The following ADARB2 variants were observed in gnomAD, a reference collection of about 807,000 sequenced individuals.
ADARB2 encodes the protein inactive double-stranded RNA-specific editase B2.
In ADARB2, 25 loss-of-function variants were observed where a neutral mutation model predicts 62.2. The ratio of observed to expected loss-of-function variants is 0.40; its 90% CI spans 0.29 to 0.56. The LOEUF (loss-of-function observed/expected upper bound fraction) is 0.56, where lower values mean the gene tolerates loss of function less well. ADARB2 is among the 20% of genes least tolerant of loss of function. The pLI, the probability that ADARB2 is intolerant of heterozygous loss-of-function variation, is 0.43. For synonymous variants in ADARB2, 572 were observed against 500.8 expected, an observed-to-expected ratio of 1.14 and a Z score of -1.90; for missense variants, 1,071 against 1,077.4, an observed-to-expected ratio of 0.99 and a Z score of 0.08.
intron 4 of ADARB2, among the ~76,000 whole-genome samples, chr10:1,243,411 G>A (rs145857993): frequency 5.3e-5 from 8 of 152,098 alleles, no homozygotes; most frequent in Middle Eastern, 3.4e-3. Context: ...AAATAAAATC[G>A]ACTAATTAAT....
chr10:1,430,870 C>T (rs1329384611), intron 1 of ADARB2, among the ~76,000 whole-genome samples: 3 of 152,140 alleles, frequency 2.0e-5, no homozygotes, highest in Non-Finnish European at 4.4e-5. Context: ...CATAACTATC[C>T]TAAATTTAGT....
At chr10:1,187,630 C>T (rs1836778670) in intron 8 of ADARB2, among the ~76,000 whole-genome samples, 1 of 152,258 alleles carries the variant, frequency 6.6e-6, no homozygotes. Context: ...CCTTGGCCAG[C>T]TGCCGTCTGA....
At chr10:1,314,577 G>A (rs1377828331) in intron 3 of ADARB2, among the ~76,000 whole-genome samples, 2 of 152,200 alleles carry the variant, frequency 1.3e-5, no homozygotes, top group East Asian at 1.9e-4. Flanking sequence ...CTGGCCTTCC[G>A]GCCGCTTCTG....
intron 3 of ADARB2, among the ~76,000 whole-genome samples, chr10:1,305,737 G>C (rs1431031494): frequency 6.6e-6 from 1 of 152,054 alleles, no homozygotes; most frequent in Non-Finnish European, 1.5e-5. Flanking sequence ...GGGATGCAAG[G>C]CTGGTTCAAC....
chr10:1,355,289 T>C (rs1330630249), intron 3 of ADARB2, among the ~76,000 whole-genome samples: 1 of 152,208 alleles, frequency 6.6e-6, no homozygotes, highest in Non-Finnish European at 1.5e-5. Context: ...CCTAAAGCCC[T>C]TGGGGGCTGG....
At chr10:1,651,056 G>A (rs763431872) in intron 1 of ADARB2, among the ~76,000 whole-genome samples, 2 of 152,196 alleles carry the variant, frequency 1.3e-5, no homozygotes, top group African/African-American at 2.4e-5. Context: ...CAGATGTTCC[G>A]CTCTCCCCTC....
chr10:1,703,001 C>T (rs1397671793), intron 1 of ADARB2, among the ~76,000 whole-genome samples: 3 of 152,150 alleles, frequency 2.0e-5, no homozygotes, highest in African/African-American at 4.8e-5. Context: ...AATGAATCTT[C>T]AGTAATTGTA....
At chr10:1,317,912 G>C (rs1461148520) in intron 3 of ADARB2, among the ~76,000 whole-genome samples, 7 of 152,136 alleles carry the variant, frequency 4.6e-5, no homozygotes, top group Admixed American at 3.9e-4. Flanking sequence ...CTTCCCTAAA[G>C]CCTGCCTACT....
At chr10:1,452,610 C>T (rs1036341194) in intron 1 of ADARB2, among the ~76,000 whole-genome samples, 2 of 25,000 alleles carry the variant, frequency 8.0e-5, no homozygotes, top group Non-Finnish European at 1.5e-4. Context: ...CTCATGGACA[C>T]GGGGGTTGGG....
intron 3 of ADARB2, among the ~76,000 whole-genome samples, chr10:1,288,446 A>G (rs1831433048): frequency 6.6e-6 from 1 of 152,228 alleles, no homozygotes; most frequent in South Asian, 2.1e-4. Flanking sequence ...CCTAAGAGGC[A>G]GTTACGATTA....
intron 6 of ADARB2, among the ~76,000 whole-genome samples, chr10:1,230,634 A>T (rs1263277712): frequency 6.6e-6 from 1 of 152,150 alleles, no homozygotes; most frequent in Non-Finnish European, 1.5e-5. Flanking sequence ...AGTTCAAAGG[A>T]TGCAGAGCCA....
chr10:1,464,310 G>A (rs1460884174), intron 1 of ADARB2, among the ~76,000 whole-genome samples: 4 of 137,520 alleles, frequency 2.9e-5, no homozygotes, highest in African/African-American at 8.3e-5. Context: ...AGCAGGCAGC[G>A]CGCCGGAGAA....
chr10:1,608,659 G>A (rs374935551), intron 1 of ADARB2, among the ~76,000 whole-genome samples: 3 of 147,698 alleles, frequency 2.0e-5, no homozygotes, highest in Non-Finnish European at 3.0e-5. Context: ...GAGGGAGGAC[G>A]AGAAGGAAGA....
At chr10:1,211,127 C>T (rs749173133) in intron 7 of ADARB2, among the ~76,000 whole-genome samples, 9 of 145,916 alleles carry the variant, frequency 6.2e-5, no homozygotes, top group Non-Finnish European at 1.2e-4. Context: ...TATCATCTGT[C>T]GATCAGTCAT....
chr10:1,457,439 G>T (rs1370788319), intron 1 of ADARB2, among the ~76,000 whole-genome samples: 1 of 152,104 alleles, frequency 6.6e-6, no homozygotes. Context: ...TCCCAGCTGT[G>T]GGTGGAAGGT....
chr10:1,636,094 T>C (rs959553831), intron 1 of ADARB2, among the ~76,000 whole-genome samples: 1 of 152,166 alleles, frequency 6.6e-6, no homozygotes, highest in Non-Finnish European at 1.5e-5. Flanking sequence ...GCTGACTTTA[T>C]ACCGGGAACT....
intron 8 of ADARB2, among the ~76,000 whole-genome samples, chr10:1,199,190 A>G (rs923213368): frequency 2.0e-5 from 3 of 151,764 alleles, no homozygotes; most frequent in African/African-American, 7.3e-5. Flanking sequence ...GCCCAGCATG[A>G]GGCTGGCGGT....
rs76293871 is a variant in ADARB2, at chr10:1,668,242, C to G, written c.100+68809G>C. ...AATAGTTTTGAGTGAAGTCTTCCTT[C>G]TTTGCTTAACTGGTGTCATACAATT... On this transcript the variant is annotated intron_variant, in intron 1 of 9. Transcript: ENST00000381312. 3.4e-3 allele frequency among the ~76,000 whole-genome samples: 514 copies of G among 152,340 alleles called. 4 individuals are homozygous for G. The highest frequency in any genetic ancestry group is 0.012 in the African/African-American group (485 of 41,572).
Position 1,506,111 on chromosome 10 carries a change from A to T in ADARB2, c.101-126951T>A, listed in dbSNP as rs748009894. On this transcript the variant is annotated intron_variant, in intron 1 of 9. Coordinates refer to ENST00000381312, the MANE Select transcript of ADARB2 (RefSeq NM_018702.4). ...CTGTGTCTTTGGGAAGATGATGTGC[A>T]TGTCACCTATTGGACTTTTTACTGT... is the stretch of plus-strand genomic sequence containing the variant. Among the ~76,000 whole-genome samples the T allele has an allele frequency of 2.6e-5, 4 of 151,388 alleles. No individual in the cohort carries two copies. In the East Asian group the frequency reaches 5.8e-4, roughly 22 times the overall value.
Sources: allele counts gnomAD v4.1 joint callset (sites outside exome capture counted in the v4.1 genomes callset), GRCh38; gene constraint gnomAD v4.1.1; transcripts MANE v1.5; gene names NCBI Gene and HGNC (gene_info 2026-07-23, HGNC 2026-07-21).